The following PEX5 variants were observed in gnomAD, a reference collection of about 807,000 sequenced individuals.
The protein encoded by PEX5 is PTS1 receptor.
A neutral mutation model predicts 82.9 loss-of-function variants in PEX5; 52 were observed. That is an observed-to-expected ratio of 0.63 (90% CI 0.50 to 0.79). The LOEUF (loss-of-function observed/expected upper bound fraction) is 0.79. Ranked by LOEUF, PEX5 falls within the 30% of genes least tolerant of loss-of-function variation. PEX5 has a pLI of 0.00. For synonymous variants in PEX5, 300 were observed against 318.8 expected, an observed-to-expected ratio of 0.94 and a Z score of 0.63; for missense variants, 719 against 815.2, an observed-to-expected ratio of 0.88 and a Z score of 1.44.
In PEX5 at chr12:7,191,511, G is replaced by A. The variant is rs1941112074; in HGVS notation, c.317-58G>A. The A allele has an allele frequency of 6.8e-6, 11 of 1,607,582 alleles. No individual in the cohort carries two copies. The South Asian group carries it at 1.1e-4, about 16-fold the overall frequency. On this transcript the variant is annotated intron_variant, in intron 4 of 15. Coordinates refer to ENST00000675855, the MANE Select transcript of PEX5 (RefSeq NM_001351132.2). ...TTTCACGTGGATTCAGGGTTCTTTA[G>A]GCATGATGGAATGGTATGTATGTAT...
intron 1 of PEX5, chr12:7,189,963 G>T (rs1383689687): frequency 8.7e-6 from 13 of 1,493,332 alleles, no homozygotes; most frequent in Non-Finnish European, 9.7e-6. Context: ...ACCGCGTGCT[G>T]GGGCTGCGCG....
chr12:7,194,983 G>A (rs1941833892), intron 5 of PEX5, among the ~76,000 whole-genome samples: 2 of 152,182 alleles, frequency 1.3e-5, no homozygotes, highest in Admixed American at 1.3e-4. Flanking sequence ...TAAAGATAAG[G>A]ACATGGAAAC....
intron 6 of PEX5, among the ~76,000 whole-genome samples, chr12:7,200,352 C>T (rs1309009343): frequency 3.3e-5 from 5 of 151,086 alleles, no homozygotes; most frequent in East Asian, 3.9e-4. Context: ...AAGAGGCGCT[C>T]CTCACTTCCT....
chr12:7,194,054 G>A (rs1402494661), intron 5 of PEX5, among the ~76,000 whole-genome samples: 2 of 152,138 alleles, frequency 1.3e-5, no homozygotes, highest in Non-Finnish European at 2.9e-5. Flanking sequence ...AAAAGCTAAA[G>A]GAAAGGAGTT....
chr12:7,206,039 G>A (rs980957366), intron 10 of PEX5, among the ~76,000 whole-genome samples: 4 of 152,196 alleles, frequency 2.6e-5, no homozygotes, highest in Non-Finnish European at 5.9e-5. Context: ...TTAGGAAACT[G>A]CATTATAGAT....
At chr12:7,214,796 AATAG>A (rs1321505865), downstream of PEX5, among the ~76,000 whole-genome samples, 5 of 152,138 alleles carry the variant, frequency 3.3e-5, no homozygotes, top group Non-Finnish European at 7.4e-5. Flanking sequence ...TAAAAACATG[AATAG>A]ATGTTGAAAC....
At chr12:7,190,170 G>C (rs966581641) in intron 1 of PEX5, 192 bp from the exon 2 acceptor site, 6 of 1,500,082 alleles carry the variant, frequency 4.0e-6, no homozygotes, top group Admixed American at 2.2e-5. Context: ...GGCCTTTGAG[G>C]GGGGCGGCAG....
rs542096066 is a variant in PEX5 at position 7,190,088 on chromosome 12, G to A, written c.-16-274G>A. ...CCCGGGGTCCAGGCCCCTTTGTGGAGGCAGCTGCTGGCCCCCAGCCCATGG... is the reference window on the plus strand; with the variant it reads ...CCCGGGGTCCAGGCCCCTTTGTGGAAGCAGCTGCTGGCCCCCAGCCCATGG... On this transcript the variant is annotated intron_variant, in intron 1 of 15. Transcript: ENST00000675855. 2.8e-3 allele frequency: 4,164 copies of A among 1,491,518 alleles called. 6 individuals carry two copies. Among genetic ancestry groups the A allele is most frequent in the Middle Eastern group, 3.6e-3 (18 of 4,932 alleles). 92.4% of individuals were successfully genotyped at this position (1,491,518 alleles called of 1,614,324 possible). A position where few individuals can be genotyped will look rare whatever the true frequency, so the allele number is the denominator to read the frequency against.
intron 7 of PEX5, 150 bp from the exon 8 acceptor site, chr12:7,202,091 C>G: frequency 8.0e-7 from 1 of 1,243,018 alleles, no homozygotes; most frequent in South Asian, 1.3e-5. Flanking sequence ...TTTCTTTTTG[C>G]TCTCTACCTC....
chr12:7,203,181 A>AC lies in PEX5; in HGVS notation c.847-251_847-250insC, dbSNP rs1565707295. Among the ~76,000 whole-genome samples, 32 of 82,622 alleles carry AC rather than the reference A, an allele frequency of 3.9e-4. 1 individual carries two copies. Among genetic ancestry groups the AC allele is most frequent in the African/African-American group, 6.7e-4 (19 of 28,176 alleles). 54.2% of individuals were successfully genotyped at this position (82,622 alleles called of 152,430 possible). On this transcript the variant is annotated intron_variant, in intron 9 of 15. Transcript: ENST00000675855. ...CTCAAACAAAAAACTAAACTAAACT[A>AC]TGCACTGCACTGCACTGCACTGCAC...
chr12:7,190,117 C>T (rs1940702625), intron 1 of PEX5: 1 of 1,483,994 alleles, frequency 6.7e-7, no homozygotes, highest in Non-Finnish European at 8.9e-7. Flanking sequence ...CCCATGGGAC[C>T]GTAGTCGCGG....
Position 7,203,494 on chromosome 12 carries a change from T to C in PEX5, c.909T>C (p.Ala303=), listed in dbSNP as rs376649488. Residue 303 remains alanine, a synonymous_variant, in exon 10 of 16, where the codon GCT becomes GCC. Transcript: ENST00000675855. The part of the protein sequence containing the change: ...AELEEMAKRD[A]EAHPWLSDYD... ...TGGAGGAGATGGCAAAACGGGATGC[T>C]GAGGCCCACCCCTGGCTTTCTGACT... The C allele has an allele frequency of 1.2e-5, 19 of 1,613,966 alleles. No individual in the cohort carries two copies. In the East Asian group the frequency reaches 3.1e-4, roughly 27 times the overall value.
At chr12:7,203,610 C>G in intron 10 of PEX5, 59 bp downstream of exon 10, 1 of 1,531,628 alleles carries the variant, frequency 6.5e-7, no homozygotes, top group Non-Finnish European at 8.9e-7. Context: ...TAACGTCTTT[C>G]CTTTAATCCT....
At position 7,209,847 on chromosome 12, in the gene PEX5, G is replaced by GTATC. The variant is rs749232654; in HGVS notation, c.1718+11_1718+14dup. ...TCAACCTCGGGGCTCACCGGTGAGA[G>GTATC]TATCTATTGAGAAATGAATGAATGA... On this transcript the variant is annotated splice_region_variant and intron_variant, in intron 15 of 15. Transcript: ENST00000675855. The GTATC allele has an allele frequency of 5.9e-5, 95 of 1,614,154 alleles. No individual in the cohort carries two copies. In the Admixed American group the frequency reaches 1.5e-3, roughly 25 times the overall value.
intron 6 of PEX5, 109 bp from the exon 7 acceptor site, chr12:7,201,642 G>A: frequency 1.2e-6 from 1 of 819,244 alleles, no homozygotes; most frequent in Non-Finnish European, 2.1e-6. Flanking sequence ...CTCAACAGGA[G>A]AATGGAGTTC....
downstream of PEX5, among the ~76,000 whole-genome samples, chr12:7,213,264 A>G (rs1202055116): frequency 2.0e-5 from 3 of 152,024 alleles, no homozygotes; most frequent in Middle Eastern, 3.4e-3. Context: ...AGCCCACATC[A>G]CCAAGTCAAT....
intron 6 of PEX5, 99 bp downstream of exon 6, chr12:7,199,212 T>C (rs971716215): frequency 3.7e-5 from 18 of 490,978 alleles, no homozygotes; most frequent in Non-Finnish European, 6.6e-5. Flanking sequence ...CTTTATTCTT[T>C]TTTTTTTTTT....
chr12:7,196,156 TATA>T (rs1176305248), intron 5 of PEX5, among the ~76,000 whole-genome samples: 3 of 144,412 alleles, frequency 2.1e-5, no homozygotes, highest in Admixed American at 7.0e-5. Flanking sequence ...ATATGTTACA[TATA>T]ATGTATTTAT....
At chr12:7,202,157 A>G in intron 7 of PEX5, 84 bp from the exon 8 acceptor site, 1 of 1,606,018 alleles carries the variant, frequency 6.2e-7, no homozygotes, top group Non-Finnish European at 8.5e-7. Context: ...GGGAGGGGTG[A>G]GTACAGGGTC....
Sources: allele counts gnomAD v4.1 joint callset (sites outside exome capture counted in the v4.1 genomes callset), GRCh38; gene constraint gnomAD v4.1.1; transcripts MANE v1.5; gene names NCBI Gene and HGNC (gene_info 2026-07-23, HGNC 2026-07-21).